PIGF: variants seen among roughly 807,000 people sequenced by gnomAD.
PIGF encodes the protein phosphatidylinositol glycan anchor biosynthesis class F, also known as GPI ethanolamine phosphate transferase, stabilizing subunit.
In PIGF, 23 loss-of-function variants were observed where a neutral mutation model predicts 26.0. The observed-to-expected ratio is 0.88, with a 90% CI of 0.64 to 1.25. The LOEUF (loss-of-function observed/expected upper bound fraction) is 1.25. Among genes scored for constraint, PIGF ranks in the 50% most tolerant of loss-of-function variants. The pLI is 0.00. For synonymous variants in PIGF, 93 were observed against 92.6 expected (o/e 1.00, Z -0.03); for missense variants, 278 against 249.9 (o/e 1.11, Z -0.76).
chr2:46,591,776 T>A, intron 5 of PIGF: 1 of 1,229,054 alleles, frequency 8.1e-7, no homozygotes, highest in Non-Finnish European at 1.1e-6. Context: ...TCCTCATCTG[T>A]AAAATGGGTA....
intron 3 of PIGF, among the ~76,000 whole-genome samples, chr2:46,612,750 T>C (rs1402783695): frequency 6.6e-6 from 1 of 152,220 alleles, no homozygotes; most frequent in East Asian, 1.9e-4. Flanking sequence ...AGTGGTTCTC[T>C]ACAACTAGTG....
chr2:46,587,035 A>G (rs1669601318), intron 5 of PIGF, among the ~76,000 whole-genome samples: 2 of 152,230 alleles, frequency 1.3e-5, no homozygotes, highest in South Asian at 4.1e-4. Context: ...TATTCTCTCT[A>G]ACATGAAAGT....
At chr2:46,585,509 C>G (rs974634732) in intron 5 of PIGF, among the ~76,000 whole-genome samples, 1 of 152,124 alleles carries the variant, frequency 6.6e-6, no homozygotes, top group Non-Finnish European at 1.5e-5. Context: ...CCCTACAGAA[C>G]AGGGACAGAA....
At position 46,615,194 on chromosome 2, in the gene PIGF, AAAC is replaced by A. The variant is rs756355235; in HGVS notation, c.-21-12_-21-10del. 21 of 1,102,348 alleles carry A rather than the reference AAAC, an allele frequency of 1.9e-5. No homozygotes were observed. Among genetic ancestry groups the A allele is most frequent in the African/African-American group, 3.1e-5 (2 of 64,462 alleles). 68.3% of individuals were successfully genotyped at this position (1,102,348 alleles called of 1,614,324 possible). On this transcript the variant is annotated splice_polypyrimidine_tract_variant and intron_variant, in intron 1 of 5. Coordinates refer to ENST00000281382, the MANE Select transcript of PIGF (RefSeq NM_002643.4). ...TTTTCTTGGATGGCTAGCTAACAAA[AAAC>A]AAGAAAAGAAGAGCATATGCAATAA...
chr2:46,603,595 A>G (rs1670127391), intron 4 of PIGF, among the ~76,000 whole-genome samples: 1 of 152,100 alleles, frequency 6.6e-6, no homozygotes, highest in African/African-American at 2.4e-5. Flanking sequence ...TGCCAAGAAC[A>G]TACACCGGGG....
intron 4 of PIGF, among the ~76,000 whole-genome samples, chr2:46,604,660 C>A (rs2104115766): frequency 6.6e-6 from 1 of 151,452 alleles, no homozygotes; most frequent in Non-Finnish European, 1.5e-5. Flanking sequence ...GTTAAAAAAA[C>A]AATTGAACTC....
chr2:46,600,471 T>C (rs1314275712), intron 4 of PIGF, among the ~76,000 whole-genome samples: 1 of 152,208 alleles, frequency 6.6e-6, no homozygotes, highest in Non-Finnish European at 1.5e-5. Flanking sequence ...GGAAATTAGT[T>C]AAATAAATCA....
Position 46,585,898 on chromosome 2 carries a change from C to T in PIGF, c.547-4307G>A, listed in dbSNP as rs184799119. On this transcript the variant is annotated intron_variant, in intron 5 of 5. Coordinates refer to ENST00000281382, the MANE Select transcript of PIGF (RefSeq NM_002643.4). ...ACGCTATTCTCCTGCCTCAGCCTCC[C>T]GAGTAGCTGGGACTACAGGTGCCTG... Among the ~76,000 whole-genome samples, 330 of 152,210 alleles carry T rather than the reference C, an allele frequency of 2.2e-3. 8 individuals carry two copies. The South Asian group carries it at 0.04, about 19-fold the overall frequency.
chr2:46,601,022 G>A (rs1182459977), intron 4 of PIGF, among the ~76,000 whole-genome samples: 1 of 151,570 alleles, frequency 6.6e-6, no homozygotes, highest in Non-Finnish European at 1.5e-5. Context: ...TTTTCTGTTT[G>A]AATTTTTACT....
At chr2:46,597,501 C>T (rs1669925547) in intron 4 of PIGF, among the ~76,000 whole-genome samples, 1 of 152,010 alleles carries the variant, frequency 6.6e-6, no homozygotes, top group South Asian at 2.1e-4. Flanking sequence ...CAACGTCTGC[C>T]TCCTGGGCTC....
intron 4 of PIGF, among the ~76,000 whole-genome samples, chr2:46,599,943 G>A (rs1164816656): frequency 6.6e-6 from 1 of 152,156 alleles, no homozygotes; most frequent in Non-Finnish European, 1.5e-5. Context: ...GCCTTTTGAG[G>A]ACTGGATGTT....
At chr2:46,591,939 G>A (rs1382492977) in intron 5 of PIGF, 1 of 1,303,348 alleles carries the variant, frequency 7.7e-7, no homozygotes, top group Middle Eastern at 2.1e-4. Flanking sequence ...AAAATTTCAA[G>A]AGGAACATTC....
intron 5 of PIGF, among the ~76,000 whole-genome samples, chr2:46,586,286 T>C (rs1572766870): frequency 6.6e-6 from 1 of 152,224 alleles, no homozygotes. Flanking sequence ...TGGTAGGCAT[T>C]TGTGTTAATT....
intron 4 of PIGF, among the ~76,000 whole-genome samples, chr2:46,592,802 G>C (rs1669762316): frequency 6.6e-6 from 1 of 152,278 alleles, no homozygotes; most frequent in African/African-American, 2.4e-5. Context: ...GACGCACTAG[G>C]AGTCAAACCA....
intron 4 of PIGF, among the ~76,000 whole-genome samples, chr2:46,610,051 G>A (rs1281500997): frequency 2.0e-5 from 3 of 152,132 alleles, no homozygotes; most frequent in African/African-American, 7.2e-5. Context: ...AATAAAATGA[G>A]GTATGCCTGT....
At chr2:46,596,199 C>T (rs868832724) in intron 4 of PIGF, among the ~76,000 whole-genome samples, 15 of 143,650 alleles carry the variant, frequency 1.0e-4, no homozygotes, top group Middle Eastern at 3.5e-3. Flanking sequence ...GGCGACAGAG[C>T]GAGACCCCAT....
chr2:46,601,692 T>C (rs1466528055), intron 4 of PIGF, among the ~76,000 whole-genome samples: 2 of 152,056 alleles, frequency 1.3e-5, no homozygotes, highest in Non-Finnish European at 2.9e-5. Context: ...TTTATATGAG[T>C]AAATCTTTGG....
chr2:46,607,979 C>T (rs939201849), intron 4 of PIGF, among the ~76,000 whole-genome samples: 7 of 152,092 alleles, frequency 4.6e-5, no homozygotes, highest in East Asian at 1.9e-4. Flanking sequence ...ATTACAGGCA[C>T]GACCCACTGC....
At chr2:46,582,350 G>C (rs1669422266) in intron 5 of PIGF, 1 of 151,848 alleles carries the variant, frequency 6.6e-6, no homozygotes, top group South Asian at 2.1e-4. Context: ...TGGTACACTG[G>C]AGCCATTTCT....
Sources: gnomAD v4.1 joint callset for allele counts (sites outside exome capture counted in the v4.1 genomes callset) on GRCh38, gnomAD v4.1.1 for gene constraint, MANE v1.5 for transcripts, NCBI Gene and HGNC (gene_info 2026-07-23, HGNC 2026-07-21) for gene names.